ZBTB17: variants seen among roughly 807,000 people sequenced by gnomAD.
ZBTB17 encodes the protein zinc finger and BTB domain containing 17.
In ZBTB17, 24 loss-of-function variants were observed where a neutral mutation model predicts 85.1. That is an observed-to-expected ratio of 0.28 (90% CI 0.20 to 0.40). ZBTB17 has a LOEUF of 0.40. Among genes scored for constraint, ZBTB17 ranks in the 10% least tolerant of loss-of-function variants. The pLI is 1.00. For synonymous variants in ZBTB17, 464 were observed against 460.2 expected (o/e 1.01, Z -0.11); for missense variants, 743 against 1,105.1 (o/e 0.67, Z 4.65).
At chr1:15,942,306 T>C (rs202017813) in intron 15 of ZBTB17, 25 bp downstream of exon 15, 1 of 1,613,886 alleles carries the variant, frequency 6.2e-7, no homozygotes, top group East Asian at 2.2e-5. Context: ...TCTGCCCACA[T>C]TCACACCCGG....
rs762874536 is a variant in ZBTB17 at position 15,943,047 on chromosome 1, T to C, written c.1828+17A>G. ...AGGGCCTGGGAAGGAACAGGCATGG[T>C]AGGGGCCACAGCTCACCAGTGTGAA... On this transcript the variant is annotated intron_variant, in intron 13 of 15. Transcript: ENST00000375743. 8.1e-6 allele frequency: 13 copies of C among 1,613,620 alleles called. No individual in the cohort carries two copies. The highest frequency in any genetic ancestry group is 2.2e-5 in the South Asian group (2 of 91,050).
intron 2 of ZBTB17, among the ~76,000 whole-genome samples, chr1:15,962,684 A>T (rs2072302042): frequency 6.6e-6 from 1 of 152,244 alleles, no homozygotes; most frequent in Admixed American, 6.5e-5. Context: ...CGGGTTCAAC[A>T]GATCCTGAGC....
intron 2 of ZBTB17, among the ~76,000 whole-genome samples, chr1:15,960,808 T>A (rs1249759047): frequency 6.6e-6 from 1 of 152,258 alleles, no homozygotes; most frequent in Non-Finnish European, 1.5e-5. Context: ...TGGACTTCCA[T>A]GTGTGCACAG....
chr1:15,970,072 T>A, intron 2 of ZBTB17: 1 of 695,032 alleles, frequency 1.4e-6, no homozygotes, highest in South Asian at 1.5e-5. Context: ...TTTACATCAA[T>A]GAAGTCAGAG....
At chr1:15,968,180 C>T (rs1049600801) in intron 2 of ZBTB17, among the ~76,000 whole-genome samples, 1 of 152,202 alleles carries the variant, frequency 6.6e-6, no homozygotes, top group African/African-American at 2.4e-5. Context: ...GACCAAAACT[C>T]TCACAGTTAA....
At chr1:15,954,035 C>A (rs895354041) in intron 2 of ZBTB17, among the ~76,000 whole-genome samples, 20 of 152,170 alleles carry the variant, frequency 1.3e-4, no homozygotes, top group Admixed American at 1.2e-3. Flanking sequence ...CTCCTAAATG[C>A]AATCTGGAAG....
chr1:15,960,604 A>T (rs2072223576), intron 2 of ZBTB17, among the ~76,000 whole-genome samples: 1 of 152,242 alleles, frequency 6.6e-6, no homozygotes, highest in South Asian at 2.1e-4. Context: ...CAAAGGCATA[A>T]ATGCTTAATA....
chr1:15,942,895 G>C, intron 13 of ZBTB17, 157 bp from the exon 14 acceptor site: 1 of 1,323,830 alleles, frequency 7.6e-7, no homozygotes, highest in Non-Finnish European at 1.0e-6. Flanking sequence ...TGGCACCTCT[G>C]GAAGCTCTAG....
rs960255158 is a variant in ZBTB17, at chr1:15,951,280, G to C, written c.-2-2783C>G. ...GGAGGAAGAAGTGAAGATGGGCAAA[G>C]TAAGGGAAGGAAAGGAGAGAGAAGA... On this transcript the variant is annotated intron_variant, in intron 2 of 15. Coordinates refer to ENST00000375743, the MANE Select transcript of ZBTB17 (RefSeq NM_003443.3). The surrounding 1 kb of genome is among the most constrained non-coding windows in gnomAD (Gnocchi z 4.1). Among the ~76,000 whole-genome samples the C allele has an allele frequency of 4.1e-5, 6 of 145,784 alleles. No individual in the cohort carries two copies. Among genetic ancestry groups the C allele is most frequent in the African/African-American group, 7.5e-5 (3 of 40,020 alleles).
intron 2 of ZBTB17, among the ~76,000 whole-genome samples, chr1:15,963,106 T>C (rs1480136227): frequency 1.3e-5 from 2 of 152,088 alleles, no homozygotes; most frequent in Non-Finnish European, 2.9e-5. Context: ...CTAAAGAATA[T>C]ATAAATTAAT....
intron 2 of ZBTB17, chr1:15,970,322 TAA>T: frequency 4.4e-6 from 1 of 226,862 alleles, no homozygotes; most frequent in Non-Finnish European, 8.3e-6. Context: ...GAAGGAAAAA[TAA>T]AAAAAGTTTT....
chr1:15,972,022 A>G (rs2072706338), intron 2 of ZBTB17, among the ~76,000 whole-genome samples: 1 of 152,016 alleles, frequency 6.6e-6, no homozygotes, highest in African/African-American at 2.4e-5. Flanking sequence ...GGGGAATTTT[A>G]CAGTGATCAG....
At position 15,948,496 on chromosome 1, in the gene ZBTB17, G is replaced by A. The variant is rs1384521605; in HGVS notation, c.-1C>T. 1 of 1,612,784 alleles carries A rather than the reference G, an allele frequency of 6.2e-7. No individual in the cohort carries two copies. Among genetic ancestry groups the A allele is most frequent in the Admixed American group, 1.7e-5 (1 of 59,992 alleles). ...GCTGGCTGTGCTGGGGAAAGTCCAT[G>A]GCTGAAGAAAGCCAAAGGGCGTTGG... On this transcript the variant is annotated splice_region_variant and 5_prime_UTR_variant, in exon 3 of 16. Coordinates refer to ENST00000375743, the MANE Select transcript of ZBTB17 (RefSeq NM_003443.3).
intron 2 of ZBTB17, among the ~76,000 whole-genome samples, chr1:15,972,130 A>G (rs1476934740): frequency 1.3e-5 from 2 of 152,122 alleles, no homozygotes; most frequent in African/African-American, 2.4e-5. Flanking sequence ...CCAGCCCTCC[A>G]AGGTATTTCC....
chr1:15,950,009 T>C (rs1241359495), intron 2 of ZBTB17, among the ~76,000 whole-genome samples: 1 of 152,222 alleles, frequency 6.6e-6, no homozygotes, highest in Non-Finnish European at 1.5e-5. Flanking sequence ...TCCCTCCCCC[T>C]ACACATCCCC....
At chr1:15,965,473 T>C (rs751531497) in intron 2 of ZBTB17, among the ~76,000 whole-genome samples, 2 of 152,194 alleles carry the variant, frequency 1.3e-5, no homozygotes, top group Non-Finnish European at 2.9e-5. Flanking sequence ...TGAGAGGATA[T>C]GAGGCAAACG....
At chr1:15,958,298 G>C (rs559219264) in intron 2 of ZBTB17, among the ~76,000 whole-genome samples, 1 of 152,028 alleles carries the variant, frequency 6.6e-6, no homozygotes, top group South Asian at 2.1e-4. Context: ...ATGATCCCAA[G>C]TGACCTCCCT....
At chr1:15,971,239 G>A (rs1442884547) in intron 2 of ZBTB17, among the ~76,000 whole-genome samples, 1 of 135,684 alleles carries the variant, frequency 7.4e-6, no homozygotes, top group African/African-American at 2.6e-5. Context: ...TATTCTGTGT[G>A]TATGAAAAAA....
intron 2 of ZBTB17, among the ~76,000 whole-genome samples, chr1:15,948,993 C>T (rs1330252926): frequency 2.0e-5 from 3 of 152,234 alleles, no homozygotes; most frequent in East Asian, 1.9e-4. Context: ...GAAGACAAGA[C>T]GGTGTTTCAT....
Sources: gnomAD v4.1 joint callset for allele counts (sites outside exome capture counted in the v4.1 genomes callset) on GRCh38, gnomAD v4.1.1 for gene constraint, Gnocchi (gnomAD v3.1) non-coding constraint, MANE v1.5 for transcripts, NCBI Gene and HGNC (gene_info 2026-07-23, HGNC 2026-07-21) for gene names.